KLF12: variants seen among roughly 807,000 people sequenced by gnomAD.
KLF12 encodes the protein Krueppel-like factor 12.
KLF12 carries 9 observed loss-of-function variants against 37.8 expected under a neutral mutation model. The observed-to-expected ratio is 0.24, with a 90% CI of 0.14 to 0.42. The LOEUF is 0.42. Ranked by LOEUF, KLF12 falls within the 10% of genes least tolerant of loss-of-function variation. The probability of loss-of-function intolerance (pLI) is 1.00; values close to 1 mark genes in which losing one functional copy is unlikely to be tolerated. For synonymous variants in KLF12, 208 were observed against 202.1 expected, an observed-to-expected ratio of 1.03 and a Z score of -0.25; for missense variants, 411 against 516.0, an observed-to-expected ratio of 0.80 and a Z score of 1.97.
chr13:74,061,524 A>G (rs1246154786), intron 1 of KLF12, among the ~76,000 whole-genome samples: 1 of 152,156 alleles, frequency 6.6e-6, no homozygotes, highest in Non-Finnish European at 1.5e-5. Context: ...TTTCCATGAT[A>G]CTTCCTAGAC....
At chr13:73,995,617 AT>A (rs1323058217) in intron 1 of KLF12, among the ~76,000 whole-genome samples, 6 of 152,312 alleles carry the variant, frequency 3.9e-5, no homozygotes, top group South Asian at 2.1e-4. Context: ...CTTTAAAAAA[AT>A]GATCTAAATT....
chr13:73,759,647 G>A (rs1460872011), intron 6 of KLF12, among the ~76,000 whole-genome samples: 1 of 152,156 alleles, frequency 6.6e-6, no homozygotes, highest in African/African-American at 2.4e-5. Context: ...TACTGGATAC[G>A]CATGCAGAGG....
At position 74,107,697 on chromosome 13, in the gene KLF12, T is replaced by G. The variant is rs142080672; in HGVS notation, c.-32+26042A>C. On this transcript the variant is annotated intron_variant, in intron 1 of 7. Coordinates refer to ENST00000377669, the MANE Select transcript of KLF12 (RefSeq NM_007249.5). ...ATAAAAGGCAGAGAAATAAACCACA[T>G]AGCAGAAAGTAAAAATCAGGGGAAG... Among the ~76,000 whole-genome samples the G allele has an allele frequency of 3.2e-3, 489 of 152,246 alleles. 1 individual carries two copies. Among genetic ancestry groups the G allele is most frequent in the African/African-American group, 0.011 (468 of 41,538 alleles).
chr13:73,957,976 G>T (rs970096215), intron 2 of KLF12, among the ~76,000 whole-genome samples: 1 of 152,184 alleles, frequency 6.6e-6, no homozygotes, highest in Non-Finnish European at 1.5e-5. Context: ...GGTTTTAGAA[G>T]ACAGGAGATA....
At chr13:73,968,992 C>G (rs1891250567) in intron 2 of KLF12, among the ~76,000 whole-genome samples, 1 of 149,506 alleles carries the variant, frequency 6.7e-6, no homozygotes. Flanking sequence ...TTTATATTGC[C>G]TCCTCATCTC....
At chr13:73,935,074 G>A (rs1889868612) in intron 3 of KLF12, among the ~76,000 whole-genome samples, 1 of 151,636 alleles carries the variant, frequency 6.6e-6, no homozygotes, top group Non-Finnish European at 1.5e-5. Flanking sequence ...CCACCTCCCG[G>A]GCTCAAGTGA....
intron 4 of KLF12, among the ~76,000 whole-genome samples, chr13:73,817,343 G>GA (rs1883286806): frequency 2.3e-5 from 3 of 132,398 alleles, no homozygotes; most frequent in Admixed American, 7.6e-5. Flanking sequence ...AGAAAAAAAA[G>GA]AAAAACAAAA....
At chr13:74,297,362 T>A in the KLF12 span, among the ~76,000 whole-genome samples, 1 of 152,234 alleles carries the variant, frequency 6.6e-6, no homozygotes, top group Non-Finnish European at 1.5e-5. Context: ...TCCAGCAGAT[T>A]TCTTTTCTAC....
intron 1 of KLF12, among the ~76,000 whole-genome samples, chr13:74,093,659 C>T (rs1467642241): frequency 6.6e-6 from 1 of 151,288 alleles, no homozygotes; most frequent in Non-Finnish European, 1.5e-5. Context: ...TGAAGCTTTC[C>T]AAAATATATA....
chr13:73,888,068 T>C (rs931199418), intron 3 of KLF12, among the ~76,000 whole-genome samples: 4 of 151,992 alleles, frequency 2.6e-5, no homozygotes, highest in African/African-American at 9.7e-5. Context: ...AGTGGTACGA[T>C]CTTGGCTTAC....
chr13:74,099,838 A>T (rs563341225), intron 1 of KLF12, among the ~76,000 whole-genome samples: 1,551 of 8,258 alleles, frequency 0.19, 20 homozygotes, highest in Middle Eastern at 0.5. Flanking sequence ...TTTTTATTTA[A>T]AAAAAAAGTG....
intron 6 of KLF12, among the ~76,000 whole-genome samples, chr13:73,763,690 C>G (rs1408554266): frequency 6.6e-6 from 1 of 152,182 alleles, no homozygotes; most frequent in African/African-American, 2.4e-5. Flanking sequence ...ACTCTGTACT[C>G]TACCCATTAG....
At chr13:73,725,795 T>A (rs1326098564) in intron 6 of KLF12, among the ~76,000 whole-genome samples, 13 of 151,900 alleles carry the variant, frequency 8.6e-5, no homozygotes, top group Non-Finnish European at 1.9e-4. Flanking sequence ...TCTTGGGCAT[T>A]TAAACTCTTG....
At chr13:73,696,955 T>C (rs1482749551) in intron 7 of KLF12, among the ~76,000 whole-genome samples, 2 of 152,172 alleles carry the variant, frequency 1.3e-5, no homozygotes, top group Admixed American at 6.5e-5. Flanking sequence ...ACCATGAAGA[T>C]TTCGTTTAGA....
intron 7 of KLF12, among the ~76,000 whole-genome samples, chr13:73,699,320 G>A (rs1874378676): frequency 6.6e-6 from 1 of 152,008 alleles, no homozygotes; most frequent in African/African-American, 2.4e-5. Flanking sequence ...AAGACTTCTG[G>A]TCTACAGATG....
chr13:74,060,396 T>A (rs1873500364), intron 1 of KLF12, among the ~76,000 whole-genome samples: 1 of 152,126 alleles, frequency 6.6e-6, no homozygotes, highest in Non-Finnish European at 1.5e-5. Context: ...TTTGTTTGTA[T>A]CAATTAAAAT....
chr13:73,781,722 G>A (rs1176775671), intron 5 of KLF12, among the ~76,000 whole-genome samples: 1 of 151,972 alleles, frequency 6.6e-6, no homozygotes, highest in Non-Finnish European at 1.5e-5. Context: ...GATAGTTGCA[G>A]AAATAAGAAT....
intron 5 of KLF12, among the ~76,000 whole-genome samples, chr13:73,799,557 T>C (rs2138333014): frequency 6.6e-6 from 1 of 152,250 alleles, no homozygotes; most frequent in East Asian, 1.9e-4. Flanking sequence ...TTATAAAATC[T>C]TCACTGGTTT....
At chr13:73,862,614 G>GA (rs78780781) in intron 3 of KLF12, among the ~76,000 whole-genome samples, 28,184 of 151,924 alleles carry the variant, frequency 0.19, 3,426 homozygotes, top group East Asian at 0.53. Flanking sequence ...GTTTCGTGAA[G>GA]AAAAAAGAGT....
Sources: gnomAD v4.1 joint callset for allele counts (sites outside exome capture counted in the v4.1 genomes callset) on GRCh38, gnomAD v4.1.1 for gene constraint, MANE v1.5 for transcripts, NCBI Gene and HGNC (gene_info 2026-07-23, HGNC 2026-07-21) for gene names.